The following CA10 variants were observed in gnomAD, a reference collection of about 807,000 sequenced individuals.
CA10 encodes carbonic anhydrase-related protein 10.
A neutral mutation model predicts 44.2 loss-of-function variants in CA10; 14 were observed. The ratio of observed to expected loss-of-function variants is 0.32; its 90% CI spans 0.21 to 0.50. The LOEUF (loss-of-function observed/expected upper bound fraction) is 0.50. Ranked by LOEUF, CA10 falls within the 20% of genes least tolerant of loss-of-function variation. The pLI is 0.99. For synonymous variants in CA10, 159 were observed against 141.6 expected, an observed-to-expected ratio of 1.12 and a Z score of -0.87; for missense variants, 350 against 409.7, an observed-to-expected ratio of 0.85 and a Z score of 1.26.
At chr17:51,683,665 G>A (rs756768634) in intron 4 of CA10, among the ~76,000 whole-genome samples, 7 of 152,170 alleles carry the variant, frequency 4.6e-5, no homozygotes, top group East Asian at 1.9e-4. Context: ...AGGAATTCGC[G>A]TTTATTGACA....
intron 1 of CA10, among the ~76,000 whole-genome samples, chr17:52,076,265 G>C (rs1355158862): frequency 6.6e-6 from 1 of 152,110 alleles, no homozygotes; most frequent in Non-Finnish European, 1.5e-5. Flanking sequence ...AAGAGTATTG[G>C]CACTGACAAG....
chr17:52,076,673 C>T (rs948368404), intron 1 of CA10, among the ~76,000 whole-genome samples: 3 of 152,170 alleles, frequency 2.0e-5, no homozygotes, highest in Admixed American at 6.5e-5. Flanking sequence ...CAGGATGGCA[C>T]ATTTAAAAAG....
At chr17:52,141,982 C>G (rs1268697952) in intron 1 of CA10, among the ~76,000 whole-genome samples, 1 of 152,124 alleles carries the variant, frequency 6.6e-6, no homozygotes, top group East Asian at 1.9e-4. Context: ...GCCGATGGGG[C>G]ATTATGGGGA....
chr17:51,634,158 C>T lies in CA10; in HGVS notation c.790-508G>A, dbSNP rs114991559. Among the ~76,000 whole-genome samples the T allele has an allele frequency of 2.3e-3, 356 of 152,286 alleles. 1 individual carries two copies. The highest frequency in any genetic ancestry group is 8.3e-3 in the African/African-American group (345 of 41,550). ...CACAGGACTGTGAGGCAAAAGAAGA[C>T]GGTCTCTAGCAGGAGAGAAGAATGA... is the stretch of plus-strand genomic sequence containing the variant. On this transcript the variant is annotated intron_variant, in intron 7 of 8. Coordinates refer to ENST00000451037, the MANE Select transcript of CA10 (RefSeq NM_020178.5).
intron 4 of CA10, among the ~76,000 whole-genome samples, chr17:51,742,705 C>T (rs910928327): frequency 1.3e-5 from 2 of 152,128 alleles, no homozygotes; most frequent in Non-Finnish European, 2.9e-5. Flanking sequence ...TTAATTCTCC[C>T]CTTTTAATGA....
chr17:51,848,395 G>A (rs953335941), intron 3 of CA10, among the ~76,000 whole-genome samples: 1 of 152,164 alleles, frequency 6.6e-6, no homozygotes, highest in Non-Finnish European at 1.5e-5. Context: ...TCTGATGATT[G>A]TTTCTAATTG....
At chr17:51,980,170 C>T (rs1380365028) in intron 2 of CA10, among the ~76,000 whole-genome samples, 1 of 152,168 alleles carries the variant, frequency 6.6e-6, no homozygotes, top group African/African-American at 2.4e-5. Context: ...GTTTCCTTTT[C>T]TCCACACCCT....
intron 1 of CA10, among the ~76,000 whole-genome samples, chr17:52,135,572 G>A (rs72836048): frequency 0.091 from 13,828 of 152,078 alleles, 948 homozygotes; most frequent in East Asian, 0.4. Context: ...CTTGCTCAGC[G>A]CACGTTCCTA....
chr17:52,090,993 A>T (rs1453591270), intron 1 of CA10, among the ~76,000 whole-genome samples: 3 of 152,204 alleles, frequency 2.0e-5, no homozygotes, highest in Admixed American at 1.3e-4. Context: ...GATTTTGAAC[A>T]ATACAGCATT....
chr17:51,977,428 T>G (rs1984500811), intron 2 of CA10, among the ~76,000 whole-genome samples: 1 of 151,894 alleles, frequency 6.6e-6, no homozygotes, highest in Non-Finnish European at 1.5e-5. Context: ...CATTAAAATA[T>G]TAAAGAAAAA....
At chr17:52,088,455 G>A (rs1458992845) in intron 1 of CA10, among the ~76,000 whole-genome samples, 1 of 152,170 alleles carries the variant, frequency 6.6e-6, no homozygotes. Context: ...GGAAAATTGA[G>A]TGGAAGAACA....
At chr17:51,742,901 C>T (rs2143592531) in intron 4 of CA10, among the ~76,000 whole-genome samples, 1 of 152,314 alleles carries the variant, frequency 6.6e-6, no homozygotes, top group East Asian at 1.9e-4. Flanking sequence ...TTGCTTAATG[C>T]TATCTAGTGA....
At chr17:51,947,591 C>A (rs1983331933) in intron 2 of CA10, among the ~76,000 whole-genome samples, 1 of 152,166 alleles carries the variant, frequency 6.6e-6, no homozygotes, top group Admixed American at 6.5e-5. Flanking sequence ...CCTGTTGGAG[C>A]TAGGGTGAAA....
chr17:51,677,317 G>A (rs889410831), intron 4 of CA10, among the ~76,000 whole-genome samples: 9 of 152,108 alleles, frequency 5.9e-5, no homozygotes, highest in African/African-American at 2.2e-4. Flanking sequence ...ACTGTGGGCC[G>A]TTCTTGTGAT....
intron 4 of CA10, among the ~76,000 whole-genome samples, chr17:51,662,016 G>A (rs1396398138): frequency 6.6e-6 from 1 of 152,222 alleles, no homozygotes; most frequent in Non-Finnish European, 1.5e-5. Flanking sequence ...GCTAGATTTG[G>A]TCTGTGACTG....
chr17:51,733,600 T>C (rs894384409), intron 4 of CA10, among the ~76,000 whole-genome samples: 3 of 152,200 alleles, frequency 2.0e-5, no homozygotes, highest in African/African-American at 7.2e-5. Context: ...TAGAGCTTTG[T>C]AGGATTGAGT....
In CA10 at chr17:52,080,139, G is replaced by A. The variant is rs143512303; in HGVS notation, c.62-7746C>T. ...AGCCCGTATTACTTTCATCTAAAAT[G>A]CTTAGCATGATACTATTTTTAAGAA... On this transcript the variant is annotated intron_variant, in intron 1 of 8. Coordinates refer to ENST00000451037, the MANE Select transcript of CA10 (RefSeq NM_020178.5). Among the ~76,000 whole-genome samples, 882 of 152,282 alleles carry A rather than the reference G, an allele frequency of 5.8e-3. 5 individuals are homozygous for A. The highest frequency in any genetic ancestry group is 0.02 in the African/African-American group (835 of 41,576).
intron 3 of CA10, among the ~76,000 whole-genome samples, chr17:51,748,247 G>A (rs781745850): frequency 2.6e-5 from 4 of 152,190 alleles, no homozygotes; most frequent in Non-Finnish European, 4.4e-5. Flanking sequence ...GAGAAAATGA[G>A]TGACTAGAAG....
chr17:52,015,494 T>C (rs535525204), intron 2 of CA10, among the ~76,000 whole-genome samples: 35 of 152,252 alleles, frequency 2.3e-4, no homozygotes, highest in African/African-American at 8.2e-4. Flanking sequence ...AGAAAGTTAA[T>C]AGCTAGATCT....
Sources: gnomAD v4.1 joint callset for allele counts (sites outside exome capture counted in the v4.1 genomes callset) on GRCh38, gnomAD v4.1.1 for gene constraint, MANE v1.5 for transcripts, NCBI Gene and HGNC (gene_info 2026-07-23, HGNC 2026-07-21) for gene names.